SLC2A7: variants seen among roughly 807,000 people sequenced by gnomAD.
The protein encoded by SLC2A7 is solute carrier family 2 member 7.
Under a neutral mutation model 50.5 loss-of-function variants are expected in SLC2A7, and 50 were observed. The ratio of observed to expected loss-of-function variants is 0.99; its 90% CI spans 0.79 to 1.25. The LOEUF is 1.25. Among genes scored for constraint, SLC2A7 ranks in the 50% most tolerant of loss-of-function variants. SLC2A7 has a pLI of 0.00. For synonymous variants in SLC2A7, 308 were observed against 300.4 expected, an observed-to-expected ratio of 1.03 and a Z score of -0.26; for missense variants, 683 against 679.1, an observed-to-expected ratio of 1.01 and a Z score of -0.06.
chr1:9,018,148 C>A, intron 5 of SLC2A7, 75 bp downstream of exon 5: 1 of 1,591,222 alleles, frequency 6.3e-7, no homozygotes, highest in Admixed American at 1.7e-5. Context: ...TCTCATCTGA[C>A]TCGATCCGTC....
At position 9,005,822 on chromosome 1, in the gene SLC2A7, C is replaced by T. The variant is rs969128635; in HGVS notation, c.1193-943G>A. ...AAAAGAAGGAAAAAAAGAAAAGGAC[C>T]GATCTCCCTCTCTGGATGGACATGG... is the stretch of plus-strand genomic sequence containing the variant. On this transcript the variant is annotated intron_variant, in intron 10 of 11. Transcript: ENST00000400906. Among the ~76,000 whole-genome samples, 132 of 151,840 alleles carry T rather than the reference C, an allele frequency of 8.7e-4. 3 individuals carry two copies. Among genetic ancestry groups the T allele is most frequent in the Admixed American group, 8.4e-3 (128 of 15,248 alleles).
At chr1:8,993,352 G>A in the SLC2A7 span, among the ~76,000 whole-genome samples, 1 of 152,234 alleles carries the variant, frequency 6.6e-6, no homozygotes, top group African/African-American at 2.4e-5. Context: ...AAACATATCA[G>A]GGGAGAAAGG....
At chr1:8,999,854 G>C (rs1640551547), downstream of SLC2A7, among the ~76,000 whole-genome samples, 1 of 152,198 alleles carries the variant, frequency 6.6e-6, no homozygotes, top group Admixed American at 6.5e-5. Context: ...GCAGGGCTCT[G>C]TACAGATCCA....
chr1:9,018,314 GC>G lies in SLC2A7; in HGVS notation c.497del (p.Gly166AlafsTer6), dbSNP rs1425142297. ...LGELAPKNLR[G>X]MVGTMTEVFV... Reference sequence around the variant, plus strand: ...AAACCTCGGTCATTGTTCCCACCATGCCTCTCAGGTTCTTGGGGGCCAGTTC... The same window carrying G: ...AAACCTCGGTCATTGTTCCCACCATGCTCTCAGGTTCTTGGGGGCCAGTTC... On this transcript the variant is annotated frameshift_variant, in exon 5 of 12. Coordinates refer to ENST00000400906, the MANE Select transcript of SLC2A7 (RefSeq NM_207420.3). LOFTEE classifies it high-confidence loss of function. 6.2e-7 allele frequency: 1 copy of G among 1,614,092 alleles called. No individual in the cohort carries two copies. The highest frequency in any genetic ancestry group is 8.5e-7 in the Non-Finnish European group (1 of 1,180,050).
chr1:9,013,705 A>C, intron 7 of SLC2A7, 70 bp from the exon 8 acceptor site: 1 of 1,335,574 alleles, frequency 7.5e-7, no homozygotes, highest in Non-Finnish European at 1.1e-6. Flanking sequence ...TTCTCAACTC[A>C]AGCCACACAC....
At position 9,019,373 on chromosome 1, in the gene SLC2A7, G is replaced by A. The variant is rs950600022; in HGVS notation, c.312-40C>T. 3.1e-6 allele frequency: 5 copies of A among 1,608,458 alleles called. No individual in the cohort carries two copies. The African/African-American group carries it at 5.4e-5, about 17-fold the overall frequency. On this transcript the variant is annotated intron_variant, in intron 3 of 11. Coordinates refer to ENST00000400906, the MANE Select transcript of SLC2A7 (RefSeq NM_207420.3). ...AGCCCAGAGGGCAGGGGTGCGTGGA[G>A]GCCGCGGAAGCCCTCCCAACACCAG...
chr1:9,019,109 A>G, intron 4 of SLC2A7, 100 bp downstream of exon 4: 3 of 1,480,816 alleles, frequency 2.0e-6, no homozygotes, highest in Non-Finnish European at 2.7e-6. Flanking sequence ...TTGAAATGAA[A>G]AGAGGCAGAG....
At chr1:8,998,050 G>A (rs1640530830), downstream of SLC2A7, among the ~76,000 whole-genome samples, 1 of 152,118 alleles carries the variant, frequency 6.6e-6, no homozygotes, top group Admixed American at 6.6e-5. Context: ...TGACATAACT[G>A]CTCCAGCACA....
rs562504768 is a variant in SLC2A7, at chr1:9,018,118, C to T, written c.589+105G>A. ...GCCCACCACACTGCCCAACACCTGACCCTAAAATCATCTCTCGGGTCTCAT... is the reference window on the plus strand; with the variant it reads ...GCCCACCACACTGCCCAACACCTGATCCTAAAATCATCTCTCGGGTCTCAT... On this transcript the variant is annotated intron_variant, in intron 5 of 11. Transcript: ENST00000400906. 6.0e-6 allele frequency: 9 copies of T among 1,492,624 alleles called. No homozygotes were observed. In the African/African-American group the frequency reaches 1.2e-4, roughly 21 times the overall value. The allele number at this position is 1,492,624 out of a possible 1,614,324, so 92.5% of individuals were successfully genotyped here. A position where few individuals can be genotyped will look rare whatever the true frequency, so the allele number is the denominator to read the frequency against.
In SLC2A7 at chr1:9,015,123, G is replaced by C; in HGVS notation, c.709C>G (p.Arg237Gly). The C allele has an allele frequency of 1.2e-6, 2 of 1,613,266 alleles. No individual in the cohort carries two copies. Among genetic ancestry groups the C allele is most frequent in the Non-Finnish European group, 1.7e-6 (2 of 1,179,798 alleles). Residue 237 changes from arginine (R) to glycine (G), a missense_variant, in exon 6 of 12, where the codon CGA becomes GGA. Arg to Gly is a moderately radical substitution (Grantham distance 125). Transcript: ENST00000400906. ...LIQKGDEATARQALRRLRGHT... is the reference protein window; with the variant it reads ...LIQKGDEATAGQALRRLRGHT... Reference sequence around the variant, plus strand: ...GTAGCCGGCGACTTCATACCTTGTCGCGCTGTGGCTTCATCTCCTTTCTGA... The same window carrying C: ...GTAGCCGGCGACTTCATACCTTGTCCCGCTGTGGCTTCATCTCCTTTCTGA...
intron 8 of SLC2A7, among the ~76,000 whole-genome samples, chr1:9,012,813 A>G (rs1640765726): frequency 6.6e-6 from 1 of 152,240 alleles, no homozygotes; most frequent in African/African-American, 2.4e-5. Flanking sequence ...GGGTACCTGC[A>G]TTTGAATACC....
chr1:9,007,403 G>A lies in SLC2A7; in HGVS notation c.1117-18C>T. 2.5e-6 allele frequency: 4 copies of A among 1,613,482 alleles called. No individual in the cohort carries two copies. The highest frequency in any genetic ancestry group is 3.4e-6 in the Non-Finnish European group (4 of 1,179,640). On this transcript the variant is annotated intron_variant, in intron 9 of 11. Transcript: ENST00000400906. ...ACCCTGTTCTGTGGGGAGAGGCAGG[G>A]CTGTCTGGGCTGAGGCCAGGAGCCC...
the SLC2A7 span, among the ~76,000 whole-genome samples, chr1:8,994,122 T>C: frequency 1.5e-3 from 235 of 152,356 alleles, 1 homozygote; most frequent in African/African-American, 5.3e-3. Flanking sequence ...GCCTTCCAGT[T>C]ACTCCTGTAA....
Position 9,010,260 on chromosome 1 carries a change from G to C in SLC2A7, c.1015-16C>G. 6.5e-7 allele frequency: 1 copy of C among 1,548,962 alleles called. No individual in the cohort carries two copies. Among genetic ancestry groups the C allele is most frequent in the East Asian group, 2.4e-5 (1 of 40,902 alleles). On this transcript the variant is annotated splice_polypyrimidine_tract_variant and intron_variant, in intron 8 of 11. Coordinates refer to ENST00000400906, the MANE Select transcript of SLC2A7 (RefSeq NM_207420.3). Reference sequence around the variant, plus strand: ...CAAGGACAGCCTGGAGGGGAAGGGGGACAGTGAGAAGCCGCCTTGGCCTGG... The same window carrying C: ...CAAGGACAGCCTGGAGGGGAAGGGGCACAGTGAGAAGCCGCCTTGGCCTGG...
Position 9,007,985 on chromosome 1 carries a change from G to A in SLC2A7, c.1117-600C>T, listed in dbSNP as rs867241148. On this transcript the variant is annotated intron_variant, in intron 9 of 11. Coordinates refer to ENST00000400906, the MANE Select transcript of SLC2A7 (RefSeq NM_207420.3). ...CCATGAGGAACCTTAGTCCCTCAGG[G>A]ATCAAGCAGTGGCTGAAGTCACCCA... Among the ~76,000 whole-genome samples the A allele has an allele frequency of 3.4e-4, 52 of 152,176 alleles. 1 individual carries two copies. The highest frequency in any genetic ancestry group is 7.2e-4 in the Admixed American group (11 of 15,278).
In SLC2A7 at chr1:9,003,371, GAA is replaced by G. The variant is rs1640603353; in HGVS notation, c.1466_1467del (p.Leu489ProfsTer9). On this transcript the variant is annotated frameshift_variant, in exon 12 of 12. Transcript: ENST00000400906. LOFTEE classifies it low-confidence loss of function (END_TRUNC). ...TCAATGGTTTCTTCTTTCTCCTCTG[GAA>G]GCTTCACCCTGTTTCTCTTGGCAAA... ...RIFAKRNRVK[L>X]PEEKEETIDA... 1.9e-6 allele frequency: 3 copies of G among 1,614,160 alleles called. No homozygotes were observed. The East Asian group carries it at 6.7e-5, about 36-fold the overall frequency.
chr1:9,020,327 G>C (rs1171545697), intron 3 of SLC2A7, among the ~76,000 whole-genome samples: 1 of 152,222 alleles, frequency 6.6e-6, no homozygotes, highest in African/African-American at 2.4e-5. Context: ...CACGATGACT[G>C]TCAGGAACGT....
In SLC2A7 at chr1:9,013,296, C is replaced by G. The variant is rs1045700492; in HGVS notation, c.1014+229G>C. ...CTGCTCGCCTTGGCCTTCCGAAGTG[C>G]TGGGATTACAAGTGTGAGCCGCCGC... is the stretch of plus-strand genomic sequence containing the variant. On this transcript the variant is annotated intron_variant, in intron 8 of 11. Coordinates refer to ENST00000400906, the MANE Select transcript of SLC2A7 (RefSeq NM_207420.3). 5.3e-5 allele frequency among the ~76,000 whole-genome samples: 8 copies of G among 152,196 alleles called. No homozygotes were observed. In the East Asian group the frequency reaches 1.2e-3, roughly 22 times the overall value.
intron 10 of SLC2A7, among the ~76,000 whole-genome samples, 193 bp from the exon 11 acceptor site, chr1:9,005,072 T>C (rs1395491504): frequency 1.3e-5 from 2 of 152,212 alleles, no homozygotes; most frequent in Non-Finnish European, 2.9e-5. Context: ...AGATCCACTT[T>C]GCAAAGTCTG....
Sources: allele counts gnomAD v4.1 joint callset (sites outside exome capture counted in the v4.1 genomes callset), GRCh38; gene constraint gnomAD v4.1.1; transcripts MANE v1.5; gene names NCBI Gene and HGNC (gene_info 2026-07-23, HGNC 2026-07-21).